Variants in CARMIL2 observed in about 807,000 individuals in gnomAD.
The protein encoded by CARMIL2 is capping protein, Arp2/3 and myosin-I linker protein 2.
Under a neutral mutation model 173.3 loss-of-function variants are expected in CARMIL2, and 96 were observed. That is an observed-to-expected ratio of 0.55 (90% CI 0.47 to 0.66). The LOEUF (loss-of-function observed/expected upper bound fraction) is 0.66, where lower values mean the gene tolerates loss of function less well. Among genes scored for constraint, CARMIL2 ranks in the 30% least tolerant of loss-of-function variants. CARMIL2 has a pLI of 0.00. For synonymous variants in CARMIL2, 830 were observed against 817.1 expected (o/e 1.02, Z -0.27); for missense variants, 1,771 against 1,906.7 (o/e 0.93, Z 1.33).
Position 67,648,114 on chromosome 16 carries a change from C to T in CARMIL2, c.1134C>T (p.Asp378=). 6.2e-7 allele frequency: 1 copy of T among 1,613,124 alleles called. No individual in the cohort carries two copies. The highest frequency in any genetic ancestry group is 1.1e-5 in the South Asian group (1 of 90,974). ...VLSFLNLAGT[D]TALDTVRGCS... is the part of the protein sequence containing the mutation. ...CGTTCCTGAATCTCGCAGGCACCGA[C>T]ACTGCCCTGGACACTGTGAGGGGGT... Residue 378 remains aspartate (D), a synonymous_variant, in exon 14 of 38, where the codon GAC becomes GAT. Coordinates refer to ENST00000334583, the MANE Select transcript of CARMIL2 (RefSeq NM_001013838.3). The surrounding 1 kb of genome is among the most constrained non-coding windows in gnomAD (Gnocchi z 6.1).
rs773829109 is a variant in CARMIL2, at chr16:67,649,866, G to C, written c.1980G>C (p.Ala660=). ...TGGGTCTGCTGGACGTGGCGCAGGC[G>C]CTGGAGCAGAACCACAGCCTGAAGG... The part of the protein sequence containing the change: ...SALGLLDVAQ[A]LEQNHSLKAM... Residue 660 remains alanine, a synonymous_variant, in exon 21 of 38, where the codon GCG becomes GCC. Transcript: ENST00000334583. This position sits in a 1 kb window ranked among gnomAD's most constrained non-coding sequence, Gnocchi z 6.7. 1.2e-6 allele frequency: 2 copies of C among 1,612,870 alleles called. No homozygotes were observed. The highest frequency in any genetic ancestry group is 4.5e-5 in the East Asian group (2 of 44,882).
rs183644366 is a variant in CARMIL2, at chr16:67,645,213, G to T, written c.-34G>T. 3.3e-4 allele frequency: 518 copies of T among 1,548,626 alleles called. No individual in the cohort carries two copies. In the East Asian group the frequency reaches 0.011, roughly 32 times the overall value. ...CGCTCGTCCTCTGCTGTTTCCCGCC[G>T]GAGCTCGTTGGGCCTCCCCGGCCCG... On this transcript the variant is annotated 5_prime_UTR_variant, in exon 1 of 38. Coordinates refer to ENST00000334583, the MANE Select transcript of CARMIL2 (RefSeq NM_001013838.3).
At position 67,655,085 on chromosome 16, in the gene CARMIL2, A is replaced by G. The variant is rs547776748; in HGVS notation, c.3705+185A>G. 4.5e-4 allele frequency among the ~76,000 whole-genome samples: 68 copies of G among 152,386 alleles called. 1 individual carries two copies. The highest frequency in any genetic ancestry group is 1.4e-3 in the South Asian group (7 of 4,832). On this transcript the variant is annotated intron_variant, in intron 32 of 37. Transcript: ENST00000334583. ...GGCTTTGACCCAGGCACAGGCCACC[A>G]GCATCTCCTCTTTGGACCTGAGAAA...
chr16:67,651,323 C>A lies in CARMIL2; in HGVS notation c.2313+8C>A. ...GCCAACTTCTCTCTCAGCGTGAGCACTCCCCCTCCTGCTACAAGGACCCTT... is the reference window on the plus strand; with the variant it reads ...GCCAACTTCTCTCTCAGCGTGAGCAATCCCCCTCCTGCTACAAGGACCCTT... On this transcript the variant is annotated splice_region_variant and intron_variant, in intron 23 of 37. Transcript: ENST00000334583. The surrounding 1 kb of genome is among the most constrained non-coding windows in gnomAD (Gnocchi z 4.2). 2 of 1,612,924 alleles carry A rather than the reference C, an allele frequency of 1.2e-6. No homozygotes were observed. The highest frequency in any genetic ancestry group is 1.7e-4 in the Middle Eastern group (1 of 6,060).
rs2052768583 is a variant in CARMIL2, at chr16:67,653,419, C to T, written c.3120+165C>T. Among the ~76,000 whole-genome samples, 1 of 152,064 alleles carries T rather than the reference C, an allele frequency of 6.6e-6. No homozygotes were observed. Among genetic ancestry groups the T allele is most frequent in the African/African-American group, 2.4e-5 (1 of 41,436 alleles). On this transcript the variant is annotated intron_variant, in intron 29 of 37. Coordinates refer to ENST00000334583, the MANE Select transcript of CARMIL2 (RefSeq NM_001013838.3). The surrounding 1 kb of genome is among the most constrained non-coding windows in gnomAD (Gnocchi z 7.4). The stretch of plus-strand genomic sequence containing the variant: ...CTGGCTTCTTCCTGACCACCCCCCA[C>T]CCCAGGCCATGCCTGTGCGGGACCA...
intron 32 of CARMIL2, 119 bp downstream of exon 32, chr16:67,655,019 TCTC>T: frequency 2.2e-6 from 3 of 1,344,344 alleles, no homozygotes; most frequent in East Asian, 2.4e-5. Flanking sequence ...TCTACTCCAT[TCTC>T]CTCGAAATGG....
chr16:67,656,211 C>T lies in CARMIL2; in HGVS notation c.3743-17C>T, dbSNP rs774658357. The T allele has an allele frequency of 5.0e-6, 8 of 1,613,746 alleles. No individual in the cohort carries two copies. The South Asian group carries it at 7.7e-5, about 16-fold the overall frequency. On this transcript the variant is annotated splice_polypyrimidine_tract_variant and intron_variant, in intron 33 of 37. Coordinates refer to ENST00000334583, the MANE Select transcript of CARMIL2 (RefSeq NM_001013838.3). ...CCTCCAAGGTCTGGTACCTGAGTCC[C>T]CAGCTCCGCCTTGCAGGTGACATTA...
Position 67,648,443 on chromosome 16 carries a change from C to G in CARMIL2, c.1380C>G (p.Arg460=). 6.8e-7 allele frequency: 1 copy of G among 1,474,166 alleles called. No individual in the cohort carries two copies. Among genetic ancestry groups the G allele is most frequent in the South Asian group, 1.3e-5 (1 of 74,844 alleles). The allele number at this position is 1,474,166 out of a possible 1,614,324, so 91.3% of individuals were successfully genotyped here. The change falls in exon 15 of 38, where the codon CGC becomes CGG. Residue 460 remains arginine (R), a synonymous_variant. Coordinates refer to ENST00000334583, the MANE Select transcript of CARMIL2 (RefSeq NM_001013838.3). This position sits in a 1 kb window ranked among gnomAD's most constrained non-coding sequence, Gnocchi z 6.1. ...CCGCGCTGCAGCTCTTCCTCAGCCG[C>G]GCGCGGACGCTGCGGCACCTGGGCC... is the stretch of plus-strand genomic sequence containing the variant. The part of the protein sequence containing the change: ...APAALQLFLS[R]ARTLRHLGLA...
In CARMIL2 at chr16:67,645,570, AGGTG is replaced by A. The variant is rs1383940799; in HGVS notation, c.73_76del (p.Val25SerfsTer4). On this transcript the variant is annotated frameshift_variant, in exon 2 of 38. Transcript: ENST00000334583. LOFTEE classifies it high-confidence loss of function. ...ATCACCAGGTTCCTGTGGCCCAAAG[AGGTG>A]GAGCTGCTGCTGAAAACCTGGCTAC... The A allele has an allele frequency of 6.2e-7, 1 of 1,611,036 alleles. No individual in the cohort carries two copies. Among genetic ancestry groups the A allele is most frequent in the Non-Finnish European group, 8.5e-7 (1 of 1,178,786 alleles).
rs900022868 is a variant in CARMIL2, at chr16:67,648,639, G to A, written c.1440-46G>A. On this transcript the variant is annotated intron_variant, in intron 15 of 37. Coordinates refer to ENST00000334583, the MANE Select transcript of CARMIL2 (RefSeq NM_001013838.3). This position sits in a 1 kb window ranked among gnomAD's most constrained non-coding sequence, Gnocchi z 6.1. ...CTGCCTCCTTCGTTCGCACCCTGGAGCCCCCTGTCCCAGCTCCCGCCACCC... is the reference window on the plus strand; with the variant it reads ...CTGCCTCCTTCGTTCGCACCCTGGAACCCCCTGTCCCAGCTCCCGCCACCC... The A allele has an allele frequency of 1.9e-6, 3 of 1,561,726 alleles. No individual in the cohort carries two copies. Among genetic ancestry groups the A allele is most frequent in the Non-Finnish European group, 1.7e-6 (2 of 1,148,750 alleles).
At position 67,648,376 on chromosome 16, in the gene CARMIL2, C is replaced by T. The variant is rs761375967; in HGVS notation, c.1335-22C>T. 1.1e-5 allele frequency: 17 copies of T among 1,537,384 alleles called. No individual in the cohort carries two copies. In the South Asian group the frequency reaches 1.9e-4, roughly 17 times the overall value. ...GAAGCCGCCTCCTTGCGGCCCCAGGCCCACCTTCCCACTTCCCCCAGGAAG... is the reference window on the plus strand; with the variant it reads ...GAAGCCGCCTCCTTGCGGCCCCAGGTCCACCTTCCCACTTCCCCCAGGAAG... On this transcript the variant is annotated intron_variant, in intron 14 of 37. Transcript: ENST00000334583. The surrounding 1 kb of genome is among the most constrained non-coding windows in gnomAD (Gnocchi z 6.1).
At position 67,646,661 on chromosome 16, in the gene CARMIL2, G is replaced by A. The variant is rs948436314; in HGVS notation, c.467-53G>A. The A allele has an allele frequency of 1.1e-5, 18 of 1,595,994 alleles. No individual in the cohort carries two copies. Among genetic ancestry groups the A allele is most frequent in the South Asian group, 6.6e-5 (6 of 90,736 alleles). ...TCTGTGGGTCTGGTCTTCCTCCATC[G>A]CTGATGTTTTGTCTCTCTCCTTTTC... On this transcript the variant is annotated intron_variant, in intron 6 of 37. Coordinates refer to ENST00000334583, the MANE Select transcript of CARMIL2 (RefSeq NM_001013838.3). The surrounding 1 kb of genome is among the most constrained non-coding windows in gnomAD (Gnocchi z 4.6).
Position 67,654,826 on chromosome 16 carries a change from C to G in CARMIL2, c.3631C>G (p.Gln1211Glu). Reference sequence around the variant, plus strand: ...AACAGAACTGGCTCCATCCTTTGAACAGCGGGTACAAGTAATGCTGCAGAG... The same window carrying G: ...AACAGAACTGGCTCCATCCTTTGAAGAGCGGGTACAAGTAATGCTGCAGAG... ...GETELAPSFE[Q>E]RVQVMLQRIG... Residue 1211 changes from glutamine (Q) to glutamate (E), a missense_variant, in exon 32 of 38, where the codon CAG (glutamine) becomes GAG (glutamate). Around this residue, in one of 3 missense-constraint regions of CARMIL2, gnomAD observed 817 missense variants for 903.5 expected, o/e 0.90. Transcript: ENST00000334583. 6.2e-7 allele frequency: 1 copy of G among 1,613,666 alleles called. No homozygotes were observed. Among genetic ancestry groups the G allele is most frequent in the Non-Finnish European group, 8.5e-7 (1 of 1,179,894 alleles).
Position 67,654,651 on chromosome 16 carries a change from C to A in CARMIL2, c.3541C>A (p.Pro1181Thr). ...CAAGGCCTACTCGATGATACTGCTGCCTGCCGAGGAGGAGGCAACGCTGGG... is the reference window on the plus strand; with the variant it reads ...CAAGGCCTACTCGATGATACTGCTGACTGCCGAGGAGGAGGCAACGCTGGG... ...DSKAYSMILL[P>T]AEEEATLGAR... The change falls in exon 31 of 38, where the codon CCT (proline) becomes ACT (threonine). Residue 1181 changes from proline (P) to threonine (T), a missense_variant. Pro to Thr is a conservative substitution (Grantham distance 38). Around this residue, in one of 3 missense-constraint regions of CARMIL2, gnomAD observed 817 missense variants for 903.5 expected, o/e 0.90. Coordinates refer to ENST00000334583, the MANE Select transcript of CARMIL2 (RefSeq NM_001013838.3). 6.3e-7 allele frequency: 1 copy of A among 1,586,514 alleles called. No individual in the cohort carries two copies. The highest frequency in any genetic ancestry group is 8.6e-7 in the Non-Finnish European group (1 of 1,164,932).
Position 67,645,637 on chromosome 16 carries a change from G to T in CARMIL2, c.132+6G>T. The T allele has an allele frequency of 3.7e-6, 6 of 1,613,516 alleles. No individual in the cohort carries two copies. In the South Asian group the frequency reaches 6.6e-5, roughly 18 times the overall value. On this transcript the variant is annotated splice_donor_region_variant and intron_variant, in intron 2 of 37. Coordinates refer to ENST00000334583, the MANE Select transcript of CARMIL2 (RefSeq NM_001013838.3). ...CTGTGCAAAACCATGTCCTGGTATG[G>T]GGCAGGGGACAGAGCCGGGGAGGCG...
Position 67,649,728 on chromosome 16 carries a change from C to A in CARMIL2, c.1920-78C>A, listed in dbSNP as rs1193257141. ...AGGCGGAGCAAATGGAGCAGGCTGA[C>A]GAGGCGAATGGACTAGGCCGAGGGT... On this transcript the variant is annotated intron_variant, in intron 20 of 37. Transcript: ENST00000334583. The surrounding 1 kb of genome is among the most constrained non-coding windows in gnomAD (Gnocchi z 6.7). 3.8e-6 allele frequency: 6 copies of A among 1,570,640 alleles called. No individual in the cohort carries two copies. Among genetic ancestry groups the A allele is most frequent in the African/African-American group, 1.3e-5 (1 of 74,288 alleles).
chr16:67,648,390 T>G lies in CARMIL2; in HGVS notation c.1335-8T>G. On this transcript the variant is annotated splice_region_variant and splice_polypyrimidine_tract_variant and intron_variant, in intron 14 of 37. Coordinates refer to ENST00000334583, the MANE Select transcript of CARMIL2 (RefSeq NM_001013838.3). This position sits in a 1 kb window ranked among gnomAD's most constrained non-coding sequence, Gnocchi z 6.1. The stretch of plus-strand genomic sequence containing the variant: ...GCGGCCCCAGGCCCACCTTCCCACT[T>G]CCCCCAGGAAGTCCCGCGCCGCGCC... 1 of 1,534,250 alleles carries G rather than the reference T, an allele frequency of 6.5e-7. No individual in the cohort carries two copies. The highest frequency in any genetic ancestry group is 8.7e-7 in the Non-Finnish European group (1 of 1,146,762).
At position 67,657,365 on chromosome 16, in the gene CARMIL2, C is replaced by A; in HGVS notation, c.4196-41C>A. The stretch of plus-strand genomic sequence containing the variant: ...GGGAGGGTGGCAGGACTGCTTAGCC[C>A]AGCCCTGACCCTTCCTCTCTCTCCC... On this transcript the variant is annotated intron_variant, in intron 37 of 37. Coordinates refer to ENST00000334583, the MANE Select transcript of CARMIL2 (RefSeq NM_001013838.3). The surrounding 1 kb of genome is among the most constrained non-coding windows in gnomAD (Gnocchi z 4.5). 2 of 1,608,328 alleles carry A rather than the reference C, an allele frequency of 1.2e-6. No individual in the cohort carries two copies. The highest frequency in any genetic ancestry group is 1.7e-6 in the Non-Finnish European group (2 of 1,177,098).
Position 67,656,439 on chromosome 16 carries a change from C to T in CARMIL2, c.3830C>T (p.Pro1277Leu). The change falls in exon 35 of 38, where the codon CCT (proline) becomes CTT (leucine). Residue 1277 changes from proline (P) to leucine (L), a missense_variant. By Grantham distance (98) the Pro-to-Leu change is moderately conservative. Transcript: ENST00000334583. Reference sequence around the variant, plus strand: ...CTCCCTACAGACCCTTCCTGCAGACCTGGCCCAGGGAGCCAGGGGCCTGAG... The same window carrying T: ...CTCCCTACAGACCCTTCCTGCAGACTTGGCCCAGGGAGCCAGGGGCCTGAG... ...HSVSADPSCR[P>L]GPGSQGPESA... The T allele has an allele frequency of 6.2e-7, 1 of 1,609,308 alleles. No homozygotes were observed. The highest frequency in any genetic ancestry group is 8.5e-7 in the Non-Finnish European group (1 of 1,177,186).
Sources: allele counts gnomAD v4.1 joint callset (sites outside exome capture counted in the v4.1 genomes callset), GRCh38; gene constraint gnomAD v4.1.1; regional missense constraint gnomAD v4.1.1; non-coding constraint Gnocchi (gnomAD v3.1); transcripts MANE v1.5; gene names NCBI Gene and HGNC (gene_info 2026-07-23, HGNC 2026-07-21).